KIAA1217: variants seen among roughly 807,000 people sequenced by gnomAD.
KIAA1217 encodes KIAA1217.
Under a neutral mutation model 163.9 loss-of-function variants are expected in KIAA1217, and 88 were observed. The observed-to-expected ratio is 0.54, with a 90% CI of 0.45 to 0.64. The LOEUF is 0.64. KIAA1217 is among the 30% of genes least tolerant of loss of function. The probability of loss-of-function intolerance (pLI) is 0.00; values close to 1 mark genes in which losing one functional copy is unlikely to be tolerated. For synonymous variants in KIAA1217, 903 were observed against 923.1 expected, an observed-to-expected ratio of 0.98 and a Z score of 0.39; for missense variants, 2,372 against 2,475.0, an observed-to-expected ratio of 0.96 and a Z score of 0.88.
chr10:23,752,415 T>G (rs1322675363), intron 1 of KIAA1217, among the ~76,000 whole-genome samples: 1 of 152,190 alleles, frequency 6.6e-6, no homozygotes, highest in Non-Finnish European at 1.5e-5. Context: ...GTAGGCTGAT[T>G]TTATTGCTTC....
At chr10:24,087,283 A>G (rs1228372324) in intron 2 of KIAA1217, among the ~76,000 whole-genome samples, 1 of 152,200 alleles carries the variant, frequency 6.6e-6, no homozygotes, top group African/African-American at 2.4e-5. Flanking sequence ...ATCTTTAAGA[A>G]TGGTCTGTTT....
At chr10:23,866,017 A>T (rs916207064) in intron 1 of KIAA1217, among the ~76,000 whole-genome samples, 2 of 152,198 alleles carry the variant, frequency 1.3e-5, no homozygotes, top group African/African-American at 2.4e-5. Context: ...AGCTTCGAAC[A>T]TACATATGCT....
intron 2 of KIAA1217, among the ~76,000 whole-genome samples, chr10:24,258,594 T>C (rs1336569095): frequency 2.0e-5 from 3 of 151,036 alleles, no homozygotes; most frequent in Admixed American, 6.6e-5. Context: ...TTCTTTTTTT[T>C]TTTTTTTTCT....
At chr10:23,946,073 C>T (rs1331683956) in intron 1 of KIAA1217, among the ~76,000 whole-genome samples, 1 of 151,834 alleles carries the variant, frequency 6.6e-6, no homozygotes, top group Middle Eastern at 3.2e-3. Flanking sequence ...TGGTTTTTGC[C>T]ATTAATAGTT....
intron 1 of KIAA1217, among the ~76,000 whole-genome samples, chr10:23,802,820 G>A (rs374053607): frequency 2.0e-5 from 3 of 152,332 alleles, no homozygotes; most frequent in African/African-American, 7.2e-5. Context: ...CTGTCCCTTA[G>A]AGTGTTTTGT....
At chr10:24,238,996 C>A in intron 2 of KIAA1217, 2 of 195,612 alleles carry the variant, frequency 1.0e-5, no homozygotes, top group African/African-American at 2.4e-5. Flanking sequence ...TGAACAATTT[C>A]AGACGATTGT....
intron 1 of KIAA1217, among the ~76,000 whole-genome samples, chr10:23,881,547 T>C (rs988188670): frequency 3.9e-5 from 6 of 152,010 alleles, no homozygotes; most frequent in African/African-American, 9.7e-5. Flanking sequence ...AGGGATTCGC[T>C]GGAATCAAGA....
intron 3 of KIAA1217, among the ~76,000 whole-genome samples, chr10:24,430,002 T>C (rs2059466220): frequency 6.6e-6 from 1 of 152,100 alleles, no homozygotes; most frequent in Non-Finnish European, 1.5e-5. Context: ...AAAAATTAGC[T>C]GGGTGTAGTG....
At position 23,840,704 on chromosome 10, in the gene KIAA1217, G is replaced by A. The variant is rs951852819; in HGVS notation, c.-321+145470G>A. Among the ~76,000 whole-genome samples the A allele has an allele frequency of 7.2e-5, 11 of 152,150 alleles. 1 individual carries two copies. The highest frequency in any genetic ancestry group is 7.2e-4 in the Admixed American group (11 of 15,270). On this transcript the variant is annotated intron_variant, in intron 1 of 18. Transcript: ENST00000376462. Reference sequence around the variant, plus strand: ...ATTACATTTTCAGTATGTTTTAGTTGATATAGATGTGTTTATTGTAAGTTA... The same window carrying A: ...ATTACATTTTCAGTATGTTTTAGTTAATATAGATGTGTTTATTGTAAGTTA...
In KIAA1217 at chr10:24,501,296, C is replaced by T. The variant is rs377423286; in HGVS notation, c.1835-83C>T. The T allele has an allele frequency of 1.0e-5, 13 of 1,278,306 alleles. No individual in the cohort carries two copies. The African/African-American group carries it at 1.8e-4, about 17-fold the overall frequency. The allele number at this position is 1,278,306 out of a possible 1,614,324, so 79.2% of individuals were successfully genotyped here. A position where few individuals can be genotyped will look rare whatever the true frequency, so the allele number is the denominator to read the frequency against. On this transcript the variant is annotated intron_variant, in intron 8 of 20. Coordinates refer to ENST00000376454, the MANE Select transcript of KIAA1217 (RefSeq NM_019590.5). ...AGAGAATTAGGCCTTTTTAGAATTACCAGTCATCTGCATTGGGATGGGATG... is the reference window on the plus strand; with the variant it reads ...AGAGAATTAGGCCTTTTTAGAATTATCAGTCATCTGCATTGGGATGGGATG...
In KIAA1217 at chr10:24,106,177, G is replaced by A. The variant is rs1244421341; in HGVS notation, c.-171+98803G>A. On this transcript the variant is annotated intron_variant, in intron 2 of 18. Transcript: ENST00000376462. ...TGGCAGGGGCAGTTAGTTGTCTGCCGTTGCCTCCTTGGTAACAGGACCCTG... is the reference window on the plus strand; with the variant it reads ...TGGCAGGGGCAGTTAGTTGTCTGCCATTGCCTCCTTGGTAACAGGACCCTG... Among the ~76,000 whole-genome samples the A allele has an allele frequency of 3.9e-5, 6 of 152,070 alleles. No individual in the cohort carries two copies. The East Asian group carries it at 5.8e-4, about 15-fold the overall frequency.
At chr10:24,194,032 C>G (rs958045420) in intron 2 of KIAA1217, among the ~76,000 whole-genome samples, 6 of 151,964 alleles carry the variant, frequency 3.9e-5, no homozygotes, top group Admixed American at 3.3e-4. Context: ...ACTAAAAATA[C>G]AAAACTTAGC....
chr10:24,349,124 C>A (rs1301946001), intron 2 of KIAA1217, among the ~76,000 whole-genome samples: 1 of 131,584 alleles, frequency 7.6e-6, no homozygotes, highest in Non-Finnish European at 1.6e-5. Flanking sequence ...CAGAATAAGA[C>A]CCTGTCTCAA....
chr10:23,887,129 A>C (rs1460738845), intron 1 of KIAA1217, among the ~76,000 whole-genome samples: 1 of 151,824 alleles, frequency 6.6e-6, no homozygotes, highest in Non-Finnish European at 1.5e-5. Flanking sequence ...TTGGAACATC[A>C]TTTAGTTCCT....
intron 3 of KIAA1217, among the ~76,000 whole-genome samples, chr10:24,389,811 T>TTTTTG (rs554947015): frequency 2.6e-4 from 40 of 152,220 alleles, no homozygotes; most frequent in Admixed American, 1.0e-3. Context: ...AGACTTGGGT[T>TTTTTG]TTTTGTTTTG....
At chr10:24,388,832 A>C (rs1387989987) in intron 3 of KIAA1217, among the ~76,000 whole-genome samples, 26 of 105,298 alleles carry the variant, frequency 2.5e-4, no homozygotes, top group African/African-American at 1.4e-3. Flanking sequence ...TCATCAGAGA[A>C]ATGCAAATCA....
chr10:23,752,666 G>T (rs16923808), intron 1 of KIAA1217, among the ~76,000 whole-genome samples: 28,943 of 151,926 alleles, frequency 0.19, 2,849 homozygotes, highest in Middle Eastern at 0.26. Flanking sequence ...ATGTTTACTT[G>T]GAAATTATGC....
rs79851016 is a variant in KIAA1217 at position 24,421,674 on chromosome 10, A to T, written c.554-11321A>T. ...TTTAATTTTTAAATTACTGGTTTTT[A>T]AAAAAGTTATGAATGTGTGTTGGAT... On this transcript the variant is annotated intron_variant, in intron 3 of 20. Transcript: ENST00000376454. Among the ~76,000 whole-genome samples, 28 of 152,298 alleles carry T rather than the reference A, an allele frequency of 1.8e-4. No homozygotes were observed. The East Asian group carries it at 4.6e-3, about 25-fold the overall frequency.
chr10:23,857,858 G>C (rs1839771293), intron 1 of KIAA1217, among the ~76,000 whole-genome samples: 1 of 151,916 alleles, frequency 6.6e-6, no homozygotes, highest in African/African-American at 2.4e-5. Flanking sequence ...GGAAACTATA[G>C]ATATGGTTGA....
Sources: gnomAD v4.1 joint callset for allele counts (sites outside exome capture counted in the v4.1 genomes callset) on GRCh38, gnomAD v4.1.1 for gene constraint, MANE v1.5 for transcripts, NCBI Gene and HGNC (gene_info 2026-07-23, HGNC 2026-07-21) for gene names.